ZNF529: variants seen among roughly 807,000 people sequenced by gnomAD.
The protein encoded by ZNF529 is zinc finger protein 529.
ZNF529 carries 11 observed loss-of-function variants against 10.1 expected under a neutral mutation model. The ratio of observed to expected loss-of-function variants is 1.09; its 90% CI spans 0.69 to 1.81. ZNF529 has a LOEUF of 1.81. Ranked by LOEUF, ZNF529 falls within the 40% of genes most tolerant of loss-of-function variation. The pLI is 0.00. For missense variants in ZNF529, 624 were observed against 666.8 expected (o/e 0.94, Z 0.71); for synonymous variants, 204 against 215.7 (o/e 0.95, Z 0.47).
Position 36,547,072 on chromosome 19 carries a change from G to A in ZNF529, c.1486C>T (p.His496Tyr), listed in dbSNP as rs2035054447. ...TTTTCTCCAGTATGAATTCTCTGAT[G>A]TTCTGTAAGGGCTGAACTATGTCTA... Reference protein sequence around the residue: ...AFRHSSALTEHQRIHTGEKPY... With the variant: ...AFRHSSALTEYQRIHTGEKPY... The change falls in exon 5 of 5, where the codon CAT becomes TAT. Residue 496 changes from histidine to tyrosine, a missense_variant. By Grantham distance (83) the His-to-Tyr change is moderately conservative. Transcript: ENST00000591340. The A allele has an allele frequency of 1.2e-6, 2 of 1,613,890 alleles. No individual in the cohort carries two copies. The highest frequency in any genetic ancestry group is 1.3e-5 in the African/African-American group (1 of 74,908).
chr19:36,556,549 C>T lies in ZNF529; in HGVS notation c.15-352G>A, dbSNP rs2035482770. ...GAAGAATGAGGACTCCCTTCCTCTG[C>T]CTAGCCCCAAAACATGAAATGTAGG... On this transcript the variant is annotated intron_variant, in intron 2 of 4. Transcript: ENST00000591340. 2.0e-5 allele frequency among the ~76,000 whole-genome samples: 3 copies of T among 152,340 alleles called. No individual in the cohort carries two copies. The South Asian group carries it at 6.2e-4, about 32-fold the overall frequency.
chr19:36,547,392 G>C lies in ZNF529; in HGVS notation c.1166C>G (p.Thr389Ser). ...RELARHQRIH[T>S]GKKPYECKAC... ...TTTGCATTCATAGGGTTTCTTACCA[G>C]TATGAATTCTCTGATGACGAGCAAG... The change falls in exon 5 of 5, where the codon ACT becomes AGT. Residue 389 changes from threonine to serine, a missense_variant. Transcript: ENST00000591340. 3 of 1,613,876 alleles carry C rather than the reference G, an allele frequency of 1.9e-6. No individual in the cohort carries two copies. The highest frequency in any genetic ancestry group is 2.5e-6 in the Non-Finnish European group (3 of 1,179,932).
upstream of ZNF529, among the ~76,000 whole-genome samples, chr19:36,575,202 T>C (rs919492984): frequency 4.6e-5 from 7 of 152,230 alleles, no homozygotes; most frequent in African/African-American, 7.2e-5. Flanking sequence ...TAAGTGATGT[T>C]AATGACTGAA....
chr19:36,566,539 A>G (rs1446591973), intron 2 of ZNF529, among the ~76,000 whole-genome samples: 2 of 136,400 alleles, frequency 1.5e-5, no homozygotes, highest in East Asian at 4.7e-4. Flanking sequence ...AATACAAAAA[A>G]TTAGCCAGGC....
rs142647563 is a variant in ZNF529 at position 36,578,894 on chromosome 19, G to A, written c.-41+10721C>T. On this transcript the variant is annotated intron_variant, in intron 2 of 4. Coordinates refer to the ZNF529 transcript ENST00000585960. Reference sequence around the variant, plus strand: ...ATTACAGGCGTGAGCCACCGCACCCGGCCACATGTAGTATTAAATTGTGTA... The same window carrying A: ...ATTACAGGCGTGAGCCACCGCACCCAGCCACATGTAGTATTAAATTGTGTA... Among the ~76,000 whole-genome samples the A allele has an allele frequency of 5.6e-3, 845 of 149,870 alleles. 22 individuals are homozygous for A. Among genetic ancestry groups the A allele is most frequent in the Admixed American group, 0.038 (577 of 15,050 alleles).
intron 1 of ZNF529, among the ~76,000 whole-genome samples, chr19:36,591,445 C>G (rs59333503): frequency 0.01 from 1,525 of 152,078 alleles, 33 homozygotes; most frequent in African/African-American, 0.035. Flanking sequence ...TGAGGCCAGA[C>G]GCAGTGGCTC....
intron 2 of ZNF529, among the ~76,000 whole-genome samples, chr19:36,562,839 A>G: frequency 6.6e-6 from 1 of 151,118 alleles, no homozygotes; most frequent in Non-Finnish European, 1.5e-5. Flanking sequence ...TCCAGAAAAA[A>G]AAAAAAAAAA....
At chr19:36,573,417 C>T (rs529055418), upstream of ZNF529, 54 of 468,944 alleles carry the variant, frequency 1.2e-4, no homozygotes, top group Middle Eastern at 6.6e-4. Flanking sequence ...GGCCGCACCA[C>T]GCCCCAGACC....
chr19:36,549,495 GAAT>G (rs1308403233), intron 4 of ZNF529, among the ~76,000 whole-genome samples: 4 of 152,028 alleles, frequency 2.6e-5, no homozygotes, highest in South Asian at 2.1e-4. Context: ...GTAACTATAA[GAAT>G]AATGCCAGTT....
chr19:36,562,175 T>C (rs994285333), intron 2 of ZNF529, among the ~76,000 whole-genome samples: 2 of 151,672 alleles, frequency 1.3e-5, no homozygotes, highest in Non-Finnish European at 2.9e-5. Context: ...GAGGCGGAGG[T>C]TGCGGTGAGC....
chr19:36,549,151 G>A (rs2035167197), intron 4 of ZNF529, among the ~76,000 whole-genome samples: 1 of 151,562 alleles, frequency 6.6e-6, no homozygotes, highest in Non-Finnish European at 1.5e-5. Context: ...CTTTGTTAAA[G>A]TCTCAAGATA....
intron 1 of ZNF529, among the ~76,000 whole-genome samples, chr19:36,592,613 A>G (rs1046491354): frequency 2.9e-4 from 44 of 151,772 alleles, no homozygotes; most frequent in African/African-American, 1.1e-3. Flanking sequence ...AAAAAGAAAG[A>G]AAGAAAAAAG....
chr19:36,583,619 T>C (rs895098994), intron 2 of ZNF529, among the ~76,000 whole-genome samples: 1 of 150,826 alleles, frequency 6.6e-6, no homozygotes, highest in Non-Finnish European at 1.5e-5. Context: ...ATAATAAAGT[T>C]GGCACCTACA....
In ZNF529 at chr19:36,546,867, C is replaced by T. The variant is rs762571412; in HGVS notation, c.1691G>A (p.Ter564=). The T allele has an allele frequency of 6.2e-6, 10 of 1,602,746 alleles. No individual in the cohort carries two copies. Among genetic ancestry groups the T allele is most frequent in the Non-Finnish European group, 8.5e-6 (10 of 1,174,372 alleles). Residue 564 remains the stop codon, a stop_retained_variant, in exon 5 of 5, where the codon TGA becomes TAA. Transcript: ENST00000591340. ...KIYTGEKSFD[*] is the part of the protein sequence containing the mutation. The stretch of plus-strand genomic sequence containing the variant: ...AAAAAACCACTTTATACATTTATTT[C>T]AGTCAAATGATTTCTCACCAGTGTA...
intron 2 of ZNF529, among the ~76,000 whole-genome samples, chr19:36,567,826 C>A (rs1021070486): frequency 6.6e-6 from 1 of 152,094 alleles, no homozygotes; most frequent in African/African-American, 2.4e-5. Context: ...TGTATCAAAA[C>A]TAAAAGCTTT....
upstream of ZNF529, chr19:36,577,412 CCCAT>C: frequency 3.7e-6 from 1 of 271,198 alleles, no homozygotes; most frequent in South Asian, 3.1e-5. Flanking sequence ...GGGGCCTTGT[CCCAT>C]TTATACAGCT....
chr19:36,580,745 T>C (rs1042925962), intron 2 of ZNF529: 1 of 152,220 alleles, frequency 6.6e-6, no homozygotes, highest in Non-Finnish European at 1.5e-5. Context: ...TTCAGTAGTA[T>C]ATGTAATCAG....
chr19:36,605,344 C>T (rs1250370794), upstream of ZNF529: 3 of 152,740 alleles, frequency 2.0e-5, no homozygotes, highest in African/African-American at 7.2e-5. Context: ...GGGGGTGAGG[C>T]TTGGTGGGTG....
Position 36,572,397 on chromosome 19 carries a change from A to C in ZNF529, c.-46-5T>G, listed in dbSNP as rs1468458404. On this transcript the variant is annotated splice_region_variant and splice_polypyrimidine_tract_variant and intron_variant, in intron 1 of 4. Transcript: ENST00000591340. ...AGGGGGCCTTCACTTGCAGAACTACATAACCAAGAGGGAGAAAGGACTCAT... is the reference window on the plus strand; with the variant it reads ...AGGGGGCCTTCACTTGCAGAACTACCTAACCAAGAGGGAGAAAGGACTCAT... 1 of 1,549,364 alleles carries C rather than the reference A, an allele frequency of 6.5e-7. No homozygotes were observed. The highest frequency in any genetic ancestry group is 1.4e-5 in the African/African-American group (1 of 72,952).
Sources: gnomAD v4.1 joint callset for allele counts (sites outside exome capture counted in the v4.1 genomes callset) on GRCh38, gnomAD v4.1.1 for gene constraint, MANE v1.5 for transcripts, NCBI Gene and HGNC (gene_info 2026-07-23, HGNC 2026-07-21) for gene names.